Variants in CDC42SE2 observed in about 807,000 individuals in gnomAD.
CDC42SE2 encodes the protein CDC42 small effector 2.
CDC42SE2 carries 3 observed loss-of-function variants against 11.5 expected under a neutral mutation model. The observed-to-expected ratio is 0.26, with a 90% confidence interval of 0.12 to 0.67. The LOEUF (loss-of-function observed/expected upper bound fraction) is 0.67, where lower values mean the gene tolerates loss of function less well. Among genes scored for constraint, CDC42SE2 ranks in the 30% least tolerant of loss-of-function variants. CDC42SE2 has a pLI of 0.80. For missense variants in CDC42SE2, 82 were observed against 106.8 expected, an observed-to-expected ratio of 0.77 and a Z score of 1.02; for synonymous variants, 33 against 34.8, an observed-to-expected ratio of 0.95 and a Z score of 0.18.
chr5:131,235,805 G>C, the CDC42SE2 span, among the ~76,000 whole-genome samples: 5 of 151,538 alleles, frequency 3.3e-5, no homozygotes, highest in African/African-American at 1.2e-4. Context: ...ATGTTGGCCG[G>C]GCTGCTCTCG....
chr5:131,327,725 C>T (rs1474408448), intron 2 of CDC42SE2, among the ~76,000 whole-genome samples: 7 of 152,102 alleles, frequency 4.6e-5, no homozygotes, highest in Non-Finnish European at 2.9e-5. Flanking sequence ...GGATTTTATT[C>T]ATCTCATTTA....
chr5:131,344,647 A>G (rs1758796311), intron 2 of CDC42SE2, among the ~76,000 whole-genome samples: 1 of 152,216 alleles, frequency 6.6e-6, no homozygotes, highest in Admixed American at 6.5e-5. Flanking sequence ...CTCTGAAGAG[A>G]GTAGTGGTTC....
At chr5:131,335,408 AGGTGT>A (rs1758531942) in intron 2 of CDC42SE2, among the ~76,000 whole-genome samples, 1 of 152,198 alleles carries the variant, frequency 6.6e-6, no homozygotes, top group Non-Finnish European at 1.5e-5. Flanking sequence ...ATTTTGGAAT[AGGTGT>A]GGTGTGGTGC....
chr5:131,271,722 T>C (rs1756999397), intron 1 of CDC42SE2, among the ~76,000 whole-genome samples: 1 of 152,210 alleles, frequency 6.6e-6, no homozygotes, highest in African/African-American at 2.4e-5. Flanking sequence ...CCTCCTTCCA[T>C]GTCCTCACTG....
intron 2 of CDC42SE2, among the ~76,000 whole-genome samples, chr5:131,344,197 C>T (rs529749853): frequency 3.3e-5 from 5 of 152,230 alleles, no homozygotes; most frequent in South Asian, 2.1e-4. Flanking sequence ...CGGAGCAGGG[C>T]GGGGCATCGC....
At chr5:131,312,047 G>C (rs533605001) in intron 1 of CDC42SE2, among the ~76,000 whole-genome samples, 1 of 152,106 alleles carries the variant, frequency 6.6e-6, no homozygotes, top group African/African-American at 2.4e-5. Context: ...CAGTTTTTCC[G>C]TTCTGTTTTT....
chr5:131,372,385 C>G (rs2149780782), intron 3 of CDC42SE2, among the ~76,000 whole-genome samples: 1 of 152,042 alleles, frequency 6.6e-6, no homozygotes, highest in Non-Finnish European at 1.5e-5. Context: ...AAGTTTTTCC[C>G]CTTTTCATGT....
intron 1 of CDC42SE2, among the ~76,000 whole-genome samples, chr5:131,308,433 T>C (rs890365089): frequency 1.0e-3 from 155 of 152,190 alleles, no homozygotes; most frequent in Non-Finnish European, 1.0e-3. Flanking sequence ...TGCAGGCTCT[T>C]TTTTGGTTCC....
At chr5:131,357,091 G>C (rs540777657) in intron 2 of CDC42SE2, among the ~76,000 whole-genome samples, 2 of 152,180 alleles carry the variant, frequency 1.3e-5, no homozygotes, top group Admixed American at 1.3e-4. Flanking sequence ...ACTATTCTTT[G>C]AGCTTATAAA....
intron 1 of CDC42SE2, among the ~76,000 whole-genome samples, chr5:131,285,551 A>G (rs1757322306): frequency 1.3e-5 from 2 of 152,192 alleles, no homozygotes; most frequent in Admixed American, 1.3e-4. Flanking sequence ...GAAATGAGGG[A>G]GAGGAAAAAT....
chr5:131,334,945 C>G (rs1016776995), intron 2 of CDC42SE2, among the ~76,000 whole-genome samples: 2 of 152,006 alleles, frequency 1.3e-5, no homozygotes, highest in Non-Finnish European at 2.9e-5. Flanking sequence ...TTTTTGAAGG[C>G]TTTTTTGTGT....
chr5:131,346,990 T>A (rs111792633), intron 2 of CDC42SE2, among the ~76,000 whole-genome samples: 1 of 151,956 alleles, frequency 6.6e-6, no homozygotes, highest in East Asian at 1.9e-4. Flanking sequence ...CGGGACACAT[T>A]TAAAGCAGTG....
rs1484054131 is a variant in CDC42SE2 at position 131,392,256 on chromosome 5, A to ATATT, written c.*1167_*1170dup. On this transcript the variant is annotated 3_prime_UTR_variant, in exon 5 of 5. Transcript: ENST00000505065. ...TTTGTTAATTTGCCATCATTTATGT[A>ATATT]TATTTTGGAAGGTATGAGACCCACA... 1.3e-5 allele frequency: 2 copies of ATATT among 152,666 alleles called. No individual in the cohort carries two copies. Among genetic ancestry groups the ATATT allele is most frequent in the Admixed American group, 6.5e-5 (1 of 15,288 alleles). 9.5% of individuals were successfully genotyped at this position (152,666 alleles called of 1,614,324 possible). A position where few individuals can be genotyped will look rare whatever the true frequency, so the allele number is the denominator to read the frequency against.
chr5:131,334,834 G>A (rs574585667), intron 2 of CDC42SE2, among the ~76,000 whole-genome samples: 1 of 151,450 alleles, frequency 6.6e-6, no homozygotes, highest in Non-Finnish European at 1.5e-5. Flanking sequence ...TTTTTTATTG[G>A]GTCTATTTGA....
At chr5:131,283,229 A>G (rs1410107320) in intron 1 of CDC42SE2, among the ~76,000 whole-genome samples, 1 of 151,412 alleles carries the variant, frequency 6.6e-6, no homozygotes, top group Non-Finnish European at 1.5e-5. Flanking sequence ...GCCTGGCCAA[A>G]ATCACCTTTT....
intron 1 of CDC42SE2, among the ~76,000 whole-genome samples, chr5:131,306,715 T>A (rs896520406): frequency 1.3e-5 from 2 of 152,208 alleles, no homozygotes; most frequent in Non-Finnish European, 2.9e-5. Context: ...AAGATTCCAA[T>A]CCCTGAACAT....
In CDC42SE2 at chr5:131,342,864, C is replaced by T. The variant is rs567505127; in HGVS notation, c.-285-16345C>T. Among the ~76,000 whole-genome samples the T allele has an allele frequency of 1.1e-4, 16 of 151,724 alleles. No individual in the cohort carries two copies. In the South Asian group the frequency reaches 1.9e-3, roughly 18 times the overall value. On this transcript the variant is annotated intron_variant, in intron 2 of 4. Coordinates refer to ENST00000505065, the MANE Select transcript of CDC42SE2 (RefSeq NM_001375635.1). ...AGTAGCTGGGACTACAGGCATGTGCCGCCACACCTGGCGAATGTTTGTATT... is the reference window on the plus strand; with the variant it reads ...AGTAGCTGGGACTACAGGCATGTGCTGCCACACCTGGCGAATGTTTGTATT...
At chr5:131,288,612 A>G (rs146836705) in intron 1 of CDC42SE2, among the ~76,000 whole-genome samples, 38 of 152,274 alleles carry the variant, frequency 2.5e-4, no homozygotes, top group Admixed American at 1.3e-3. Flanking sequence ...CTTCTGCCTC[A>G]GTATCTGAGA....
At chr5:131,253,002 C>T (rs905608470) in intron 1 of CDC42SE2, 3 of 152,216 alleles carry the variant, frequency 2.0e-5, no homozygotes, top group African/African-American at 7.2e-5. Context: ...AATGCTGGAG[C>T]CGGAAGCTGT....
Sources: gnomAD v4.1 joint callset for allele counts (sites outside exome capture counted in the v4.1 genomes callset) on GRCh38, gnomAD v4.1.1 for gene constraint, MANE v1.5 for transcripts, NCBI Gene and HGNC (gene_info 2026-07-23, HGNC 2026-07-21) for gene names.